The following SDCBP2 variants were observed in gnomAD, a reference collection of about 807,000 sequenced individuals.
The protein encoded by SDCBP2 is syndecan binding protein 2, also known as syntenin-2.
A neutral mutation model predicts 30.7 loss-of-function variants in SDCBP2; 28 were observed. The observed-to-expected ratio is 0.91, with a 90% confidence interval of 0.68 to 1.25. SDCBP2 has a LOEUF of 1.25. SDCBP2 is among the 50% of genes most tolerant of loss of function. The pLI is 0.00. For missense variants in SDCBP2, 399 were observed against 379.0 expected, an observed-to-expected ratio of 1.05 and a Z score of -0.44; for synonymous variants, 166 against 157.3, an observed-to-expected ratio of 1.06 and a Z score of -0.41.
In SDCBP2 at chr20:1,313,255, G is replaced by A. The variant is rs1453589464; in HGVS notation, c.384+85C>T. 6 of 1,408,962 alleles carry A rather than the reference G, an allele frequency of 4.3e-6. No individual in the cohort carries two copies. The highest frequency in any genetic ancestry group is 1.9e-5 in the Admixed American group (1 of 53,856). The allele number at this position is 1,408,962 out of a possible 1,614,324, so 87.3% of individuals were successfully genotyped here. Reference sequence around the variant, plus strand: ...AGGCCCGCTCTGCACCTTCCTTACTGTGGACGGGCCCTCTGAGCTCTGAGG... The same window carrying A: ...AGGCCCGCTCTGCACCTTCCTTACTATGGACGGGCCCTCTGAGCTCTGAGG... On this transcript the variant is annotated intron_variant, in intron 5 of 8. Transcript: ENST00000360779. The surrounding 1 kb of genome is among the most constrained non-coding windows in gnomAD (Gnocchi z 5.2).
chr20:1,318,319 C>G lies in SDCBP2; in HGVS notation c.224G>C (p.Ser75Thr). Residue 75 changes from serine (S) to threonine (T), a missense_variant and splice_region_variant, in exon 4 of 9, where the codon AGT becomes ACT. Ser to Thr is a moderately conservative substitution (Grantham distance 58, BLOSUM62 1). Coordinates refer to ENST00000360779, the MANE Select transcript of SDCBP2 (RefSeq NM_080489.5). ...AGCAGGCAGAAGCCAAATACATACA[C>G]TGTCACCCTCTGGAATCTGAAGCAG... ...ESLLQIPEGD[S>T]TAVSGPGPGQ... is the part of the protein sequence containing the mutation. 6.2e-7 allele frequency: 1 copy of G among 1,609,324 alleles called. No individual in the cohort carries two copies. The highest frequency in any genetic ancestry group is 8.5e-7 in the Non-Finnish European group (1 of 1,175,606).
chr20:1,325,945 G>C (rs1038043927), intron 1 of SDCBP2: 3 of 152,186 alleles, frequency 2.0e-5, no homozygotes, highest in African/African-American at 7.2e-5. Flanking sequence ...CTGGGCTTCT[G>C]CTGCCTAGGG....
At chr20:1,316,788 A>G (rs756407916) in intron 4 of SDCBP2, among the ~76,000 whole-genome samples, 3 of 152,254 alleles carry the variant, frequency 2.0e-5, no homozygotes, top group Admixed American at 6.5e-5. Context: ...TGTCTATACA[A>G]AAACCTGTAT....
At chr20:1,327,617 AGACT>A (rs2088948984) in intron 1 of SDCBP2, among the ~76,000 whole-genome samples, 3 of 152,284 alleles carry the variant, frequency 2.0e-5, no homozygotes, top group Admixed American at 2.0e-4. Flanking sequence ...GGCAGGGTTC[AGACT>A]GACTGCTTCT....
chr20:1,312,457 G>A lies in SDCBP2; in HGVS notation c.612C>T (p.Gly204=), dbSNP rs762391233. 1.8e-5 allele frequency: 29 copies of A among 1,614,028 alleles called. No homozygotes were observed. The African/African-American group carries it at 2.5e-4, about 14-fold the overall frequency. The change falls in exon 7 of 9, where the codon GGC becomes GGT. Residue 204 remains glycine (G), a synonymous_variant. Coordinates refer to ENST00000360779, the MANE Select transcript of SDCBP2 (RefSeq NM_080489.5). ...CAATCTTCCCCTTCTTGATCACGAA[G>A]CCGACGTGGCCCATGCTGTCCTTGT... is the stretch of plus-strand genomic sequence containing the variant. ...TMHKDSMGHV[G]FVIKKGKIVS...
chr20:1,327,803 G>A (rs1203957798), intron 1 of SDCBP2, among the ~76,000 whole-genome samples: 8 of 152,266 alleles, frequency 5.3e-5, no homozygotes. Flanking sequence ...TAGGCATTCA[G>A]TAAAAGTTAG....
At position 1,313,623 on chromosome 20, in the gene SDCBP2, C is replaced by G. The variant is rs1399531376; in HGVS notation, c.226-125G>C. ...CCGTCCCCGGGTCCCCCCACGTCCC[C>G]AGTCCACGCTTCTCCCCTAGGGGCG... On this transcript the variant is annotated intron_variant, in intron 4 of 8. Coordinates refer to ENST00000360779, the MANE Select transcript of SDCBP2 (RefSeq NM_080489.5). This position sits in a 1 kb window ranked among gnomAD's most constrained non-coding sequence, Gnocchi z 5.2. 1.4e-6 allele frequency: 2 copies of G among 1,424,414 alleles called. No individual in the cohort carries two copies. Among genetic ancestry groups the G allele is most frequent in the Non-Finnish European group, 1.8e-6 (2 of 1,091,892 alleles). The allele number at this position is 1,424,414 out of a possible 1,614,324, so 88.2% of individuals were successfully genotyped here. A position where few individuals can be genotyped will look rare whatever the true frequency, so the allele number is the denominator to read the frequency against.
chr20:1,313,548 G>A lies in SDCBP2; in HGVS notation c.226-50C>T. On this transcript the variant is annotated intron_variant, in intron 4 of 8. Coordinates refer to ENST00000360779, the MANE Select transcript of SDCBP2 (RefSeq NM_080489.5). The surrounding 1 kb of genome is among the most constrained non-coding windows in gnomAD (Gnocchi z 5.2). ...TCAGCCCGGCCCGTGGGGACCCTGT[G>A]CCTCAGGAGACACTGGGGTGGGGGT... 3 of 1,515,140 alleles carry A rather than the reference G, an allele frequency of 2.0e-6. No homozygotes were observed. The highest frequency in any genetic ancestry group is 2.6e-6 in the Non-Finnish European group (3 of 1,134,438). The allele number at this position is 1,515,140 out of a possible 1,614,324, so 93.9% of individuals were successfully genotyped here.
At position 1,320,442 on chromosome 20, in the gene SDCBP2, AG is replaced by A; in HGVS notation, c.-19-8del. 6.2e-7 allele frequency: 1 copy of A among 1,609,252 alleles called. No individual in the cohort carries two copies. On this transcript the variant is annotated splice_polypyrimidine_tract_variant and splice_region_variant and intron_variant, in intron 1 of 8. Transcript: ENST00000360779. The surrounding 1 kb of genome is among the most constrained non-coding windows in gnomAD (Gnocchi z 4.7). ...GGCTGATTCTCAGAACACCCTGCAGAGTGCAGAGGGTGGGGAAGGATAAGGA... is the reference window on the plus strand; with the variant it reads ...GGCTGATTCTCAGAACACCCTGCAGATGCAGAGGGTGGGGAAGGATAAGGA...
chr20:1,321,346 T>G lies in SDCBP2; in HGVS notation c.-19-911A>C, dbSNP rs1334722229. 6.6e-6 allele frequency: 1 copy of G among 152,402 alleles called. No individual in the cohort carries two copies. Among genetic ancestry groups the G allele is most frequent in the East Asian group, 1.9e-4 (1 of 5,200 alleles). 9.4% of individuals were successfully genotyped at this position (152,402 alleles called of 1,614,324 possible). A position where few individuals can be genotyped will look rare whatever the true frequency, so the allele number is the denominator to read the frequency against. ...GGATCAGATCCGCTGGGCACCTCCC[T>G]GAGTGACCACAGGCACGCCGAGGAC... On this transcript the variant is annotated intron_variant, in intron 1 of 8. Transcript: ENST00000360779. The surrounding 1 kb of genome is among the most constrained non-coding windows in gnomAD (Gnocchi z 5.2).
intron 7 of SDCBP2, 184 bp from the exon 8 acceptor site, chr20:1,311,075 G>C: frequency 1.8e-6 from 1 of 541,758 alleles, no homozygotes; most frequent in Non-Finnish European, 3.3e-6. Context: ...CCCAGGTAAG[G>C]TCTTGCTTGA....
Position 1,310,904 on chromosome 20 carries a change from CAAGT to C in SDCBP2, c.733-17_733-14del. Reference sequence around the variant, plus strand: ...TGATCTTTTTGTCCTAGGGAGGAGGCAAGTAAGCGATCACCCTAAGGATTGGGGA... The same window carrying C: ...TGATCTTTTTGTCCTAGGGAGGAGGCAAGCGATCACCCTAAGGATTGGGGA... On this transcript the variant is annotated splice_polypyrimidine_tract_variant and intron_variant, in intron 7 of 8. Transcript: ENST00000360779. 6.2e-7 allele frequency: 1 copy of C among 1,606,446 alleles called. No individual in the cohort carries two copies. The highest frequency in any genetic ancestry group is 8.5e-7 in the Non-Finnish European group (1 of 1,173,782).
chr20:1,328,772 G>C (rs760982467), intron 1 of SDCBP2, among the ~76,000 whole-genome samples: 1 of 152,132 alleles, frequency 6.6e-6, no homozygotes, highest in South Asian at 2.1e-4. Context: ...GTTTCGGCTG[G>C]AATTGGCCTT....
intron 7 of SDCBP2, 105 bp downstream of exon 7, chr20:1,312,232 C>T: frequency 8.5e-7 from 1 of 1,174,364 alleles, no homozygotes; most frequent in East Asian, 2.5e-5. Flanking sequence ...CTCACAGCAA[C>T]CTTAGGAAGA....
At chr20:1,328,781 T>C (rs891444591) in intron 1 of SDCBP2, among the ~76,000 whole-genome samples, 1 of 152,090 alleles carries the variant, frequency 6.6e-6, no homozygotes, top group African/African-American at 2.4e-5. Flanking sequence ...GGAATTGGCC[T>C]TTCAAGGAGC....
intron 7 of SDCBP2, among the ~76,000 whole-genome samples, chr20:1,311,722 C>G (rs1342055265): frequency 6.6e-6 from 1 of 152,106 alleles, no homozygotes; most frequent in Non-Finnish European, 1.5e-5. Context: ...AACCTCACGA[C>G]CCCATGGATT....
chr20:1,327,807 AAGTT>A (rs1465013816), intron 1 of SDCBP2, among the ~76,000 whole-genome samples: 4 of 152,234 alleles, frequency 2.6e-5, no homozygotes, highest in African/African-American at 9.6e-5. Flanking sequence ...CATTCAGTAA[AAGTT>A]AGCTGTTTAT....
chr20:1,315,869 C>G (rs2088769156), intron 4 of SDCBP2, among the ~76,000 whole-genome samples: 1 of 152,108 alleles, frequency 6.6e-6, no homozygotes, highest in Non-Finnish European at 1.5e-5. Flanking sequence ...AAAGAACTCC[C>G]AAAACACTAC....
chr20:1,319,854 G>T (rs578132351), intron 2 of SDCBP2, among the ~76,000 whole-genome samples, 195 bp from the exon 3 acceptor site: 1 of 152,336 alleles, frequency 6.6e-6, no homozygotes, highest in Non-Finnish European at 1.5e-5. Flanking sequence ...CTGGGAGGAA[G>T]TTCTGGGGGA....
Sources: gnomAD v4.1 joint callset for allele counts (sites outside exome capture counted in the v4.1 genomes callset) on GRCh38, gnomAD v4.1.1 for gene constraint, Gnocchi (gnomAD v3.1) non-coding constraint, MANE v1.5 for transcripts, NCBI Gene and HGNC (gene_info 2026-07-23, HGNC 2026-07-21) for gene names.